Variants in CABLES1 observed in about 807,000 individuals in gnomAD.
CABLES1 encodes CDK5 and ABL1 enzyme substrate 1.
In CABLES1, 36 loss-of-function variants were observed where a neutral mutation model predicts 57.8. That is an observed-to-expected ratio of 0.62 (90% confidence interval 0.48 to 0.82). The LOEUF (loss-of-function observed/expected upper bound fraction) is 0.82. Ranked by LOEUF, CABLES1 falls within the 40% of genes least tolerant of loss-of-function variation. The pLI, the probability that CABLES1 is intolerant of heterozygous loss-of-function variation, is 0.00. For synonymous variants in CABLES1, 374 were observed against 363.0 expected (o/e 1.03, Z -0.35); for missense variants, 767 against 836.6 (o/e 0.92, Z 1.03).
At position 23,158,757 on chromosome 18, in the gene CABLES1, G is replaced by C. The variant is rs545263883; in HGVS notation, c.845+22150G>C. On this transcript the variant is annotated intron_variant, in intron 1 of 9. Transcript: ENST00000256925. Reference sequence around the variant, plus strand: ...GGGTTGAATAGTCCCTGCCTCGAACGTGTGAGGATTTAAGGAACAGAAAAT... The same window carrying C: ...GGGTTGAATAGTCCCTGCCTCGAACCTGTGAGGATTTAAGGAACAGAAAAT... Among the ~76,000 whole-genome samples the C allele has an allele frequency of 6.6e-5, 10 of 152,290 alleles. No homozygotes were observed. In the South Asian group the frequency reaches 2.1e-3, roughly 32 times the overall value.
chr18:23,249,518 A>G (rs1490692627), intron 7 of CABLES1, among the ~76,000 whole-genome samples: 2 of 152,102 alleles, frequency 1.3e-5, no homozygotes, highest in Non-Finnish European at 2.9e-5. Flanking sequence ...AGAGACTGTG[A>G]CTCAGTGGGG....
In CABLES1 at chr18:23,252,951, C is replaced by T; in HGVS notation, c.1447-9C>T. 2 of 1,577,450 alleles carry T rather than the reference C, an allele frequency of 1.3e-6. No homozygotes were observed. Among genetic ancestry groups the T allele is most frequent in the Non-Finnish European group, 1.7e-6 (2 of 1,146,748 alleles). On this transcript the variant is annotated splice_polypyrimidine_tract_variant and intron_variant, in intron 7 of 9. Transcript: ENST00000256925. ...TAAGGAGTGATCCGTGTTCCCCTGT[C>T]TGTTACAGACAACAGTGATTGACTA...
chr18:23,245,425 C>A (rs1053864708), intron 7 of CABLES1, among the ~76,000 whole-genome samples: 11 of 151,234 alleles, frequency 7.3e-5, no homozygotes, highest in African/African-American at 2.7e-4. Context: ...GCACGAGAAT[C>A]GCTTGAACCC....
In CABLES1 at chr18:23,135,664, C is replaced by T; in HGVS notation, c.-99C>T. The T allele has an allele frequency of 1.0e-6, 1 of 967,356 alleles. No homozygotes were observed. Among genetic ancestry groups the T allele is most frequent in the Non-Finnish European group, 1.2e-6 (1 of 815,258 alleles). 59.9% of individuals were successfully genotyped at this position (967,356 alleles called of 1,614,324 possible). A position where few individuals can be genotyped will look rare whatever the true frequency, so the allele number is the denominator to read the frequency against. On this transcript the variant is annotated 5_prime_UTR_variant, in exon 1 of 10. Transcript: ENST00000256925. Reference sequence around the variant, plus strand: ...GCGCACGCCGCCCGATCCCCGCGCCCTACCCAGCCCGGGTCGCCGCCGCTC... The same window carrying T: ...GCGCACGCCGCCCGATCCCCGCGCCTTACCCAGCCCGGGTCGCCGCCGCTC...
intron 1 of CABLES1, among the ~76,000 whole-genome samples, chr18:23,147,059 A>G (rs1276467961): frequency 6.6e-6 from 1 of 152,228 alleles, no homozygotes; most frequent in Non-Finnish European, 1.5e-5. Context: ...TCAAGCGAGC[A>G]TGCTGATTTT....
intron 4 of CABLES1, chr18:23,219,061 G>A: frequency 2.5e-6 from 1 of 402,632 alleles, no homozygotes; most frequent in Non-Finnish European, 5.0e-6. Context: ...CCCCGCAAGT[G>A]CCTTGCCATA....
intron 9 of CABLES1, among the ~76,000 whole-genome samples, chr18:23,255,033 T>C (rs1775586398): frequency 6.6e-6 from 1 of 152,120 alleles, no homozygotes; most frequent in Non-Finnish European, 1.5e-5. Context: ...ATTGGCTAGT[T>C]TGAATAGTTT....
At chr18:23,154,447 C>T (rs1248213631) in intron 1 of CABLES1, among the ~76,000 whole-genome samples, 1 of 152,146 alleles carries the variant, frequency 6.6e-6, no homozygotes, top group African/African-American at 2.4e-5. Context: ...CCACATCTGC[C>T]GATTCCTTAA....
At chr18:23,161,124 A>G (rs2047000851) in intron 1 of CABLES1, among the ~76,000 whole-genome samples, 2 of 151,582 alleles carry the variant, frequency 1.3e-5, no homozygotes, top group African/African-American at 4.8e-5. Context: ...AGGAAGGATC[A>G]CTTGAGCCAG....
At chr18:23,182,488 T>G (rs1422334775) in intron 1 of CABLES1, among the ~76,000 whole-genome samples, 1 of 152,204 alleles carries the variant, frequency 6.6e-6, no homozygotes, top group Non-Finnish European at 1.5e-5. Context: ...TCAACTGTAC[T>G]TCTCACTAGA....
chr18:23,165,052 C>T (rs943661550), intron 1 of CABLES1, among the ~76,000 whole-genome samples: 2 of 152,128 alleles, frequency 1.3e-5, no homozygotes, highest in East Asian at 3.9e-4. Flanking sequence ...AGATTACAGG[C>T]ATGAGCCACC....
In CABLES1 at chr18:23,248,614, G is replaced by GGCC. The variant is rs528100151; in HGVS notation, c.1447-4345_1447-4343dup. ...AGGCCGAGGCGGGTGGATCACTTGA[G>GGCC]GCCAGGAGTTTGAGACCAGCCTGAC... On this transcript the variant is annotated intron_variant, in intron 7 of 9. Coordinates refer to ENST00000256925, the MANE Select transcript of CABLES1 (RefSeq NM_001100619.3). Among the ~76,000 whole-genome samples the GGCC allele has an allele frequency of 1.4e-3, 214 of 150,156 alleles. 1 individual carries two copies. Among genetic ancestry groups the GGCC allele is most frequent in the African/African-American group, 5.1e-3 (208 of 40,406 alleles).
At chr18:23,243,681 T>C (rs1240130334) in intron 7 of CABLES1, among the ~76,000 whole-genome samples, 2 of 151,958 alleles carry the variant, frequency 1.3e-5, no homozygotes, top group African/African-American at 4.8e-5. Flanking sequence ...GAGACCATTC[T>C]GGCCAACATG....
intron 4 of CABLES1, among the ~76,000 whole-genome samples, chr18:23,215,484 G>A (rs2047434845): frequency 1.3e-5 from 2 of 152,190 alleles, no homozygotes; most frequent in African/African-American, 4.8e-5. Context: ...TCAGTAGCAG[G>A]CTCTTTGCCA....
At chr18:23,208,895 C>T (rs901037445) in intron 3 of CABLES1, among the ~76,000 whole-genome samples, 45 of 152,336 alleles carry the variant, frequency 3.0e-4, no homozygotes, top group African/African-American at 8.9e-4. Context: ...CCATCTCTGT[C>T]TCCACTGTTA....
intron 1 of CABLES1, among the ~76,000 whole-genome samples, chr18:23,160,215 T>A (rs2046994204): frequency 6.6e-6 from 1 of 151,828 alleles, no homozygotes; most frequent in Non-Finnish European, 1.5e-5. Context: ...TTTTTTGTAT[T>A]TTTAGTAGAG....
At chr18:23,252,147 C>T (rs1014157650) in intron 7 of CABLES1, among the ~76,000 whole-genome samples, 3 of 151,028 alleles carry the variant, frequency 2.0e-5, no homozygotes, top group Non-Finnish European at 4.4e-5. Flanking sequence ...GACAAATAGA[C>T]GATTCCACTT....
chr18:23,147,368 G>T (rs1208752052), intron 1 of CABLES1, among the ~76,000 whole-genome samples: 4 of 152,216 alleles, frequency 2.6e-5, no homozygotes, highest in Non-Finnish European at 4.4e-5. Flanking sequence ...TGTAGTATGG[G>T]GATAAGGACT....
intron 3 of CABLES1, among the ~76,000 whole-genome samples, chr18:23,194,766 T>G (rs1236404074): frequency 6.6e-6 from 1 of 152,234 alleles, no homozygotes; most frequent in Non-Finnish European, 1.5e-5. Context: ...GTGAGATGTT[T>G]AGAACAGAAA....
Sources: allele counts gnomAD v4.1 joint callset (sites outside exome capture counted in the v4.1 genomes callset), GRCh38; gene constraint gnomAD v4.1.1; transcripts MANE v1.5; gene names NCBI Gene and HGNC (gene_info 2026-07-23, HGNC 2026-07-21).